Variants in RNF17 observed in about 807,000 individuals in gnomAD.
RNF17 encodes the protein ring finger protein 17.
Under a neutral mutation model 200.5 loss-of-function variants are expected in RNF17, and 31 were observed. That is an observed-to-expected ratio of 0.15 (90% CI 0.12 to 0.21). The LOEUF is 0.21. RNF17 is among the 10% of genes least tolerant of loss of function. The probability of loss-of-function intolerance (pLI) is 1.00; values close to 1 mark genes in which losing one functional copy is unlikely to be tolerated. For synonymous variants in RNF17, 606 were observed against 637.8 expected (o/e 0.95, Z 0.75); for missense variants, 1,628 against 1,905.1 (o/e 0.85, Z 2.71).
At chr13:24,801,839 T>C (rs750810610) in intron 13 of RNF17, among the ~76,000 whole-genome samples, 83 of 152,308 alleles carry the variant, frequency 5.4e-4, no homozygotes, top group Admixed American at 7.8e-4. Flanking sequence ...TCTTTCTTTA[T>C]AACCTTCATA....
In RNF17 at chr13:24,830,825, G is replaced by A. The variant is rs1195636498; in HGVS notation, c.2361+226G>A. 2.6e-5 allele frequency among the ~76,000 whole-genome samples: 4 copies of A among 152,288 alleles called. No homozygotes were observed. In the South Asian group the frequency reaches 6.2e-4, roughly 24 times the overall value. ...AGGTATAGTTGTGTCTTAAGTACTT[G>A]TTGGCAGCTTTTAATATATCATTTT... is the stretch of plus-strand genomic sequence containing the variant. On this transcript the variant is annotated intron_variant, in intron 17 of 35. Transcript: ENST00000255324.
chr13:24,807,238 T>C (rs974914545), intron 15 of RNF17, among the ~76,000 whole-genome samples: 2 of 152,118 alleles, frequency 1.3e-5, no homozygotes, highest in Admixed American at 6.5e-5. Flanking sequence ...ACTTCCATAA[T>C]GGTTGAACTA....
chr13:24,778,758 C>G (rs1881938242), intron 4 of RNF17, among the ~76,000 whole-genome samples: 1 of 152,056 alleles, frequency 6.6e-6, no homozygotes, highest in African/African-American at 2.4e-5. Context: ...AACCAAAAGG[C>G]CTAATTATGT....
chr13:24,760,237 T>A (rs1227414163), upstream of RNF17, among the ~76,000 whole-genome samples: 2 of 152,160 alleles, frequency 1.3e-5, no homozygotes, highest in African/African-American at 2.4e-5. Context: ...ACAAAATGTA[T>A]GTTAACTGGA....
intron 16 of RNF17, 113 bp from the exon 17 acceptor site, chr13:24,830,371 G>A: frequency 3.2e-6 from 2 of 623,266 alleles, no homozygotes; most frequent in Non-Finnish European, 5.7e-6. Flanking sequence ...AAAGTATTAA[G>A]TTTGTATATT....
At chr13:24,833,848 A>G (rs916393261) in intron 18 of RNF17, among the ~76,000 whole-genome samples, 2 of 152,228 alleles carry the variant, frequency 1.3e-5, no homozygotes, top group African/African-American at 4.8e-5. Flanking sequence ...GTTACCTTAG[A>G]AAGCAAGGAA....
intron 16 of RNF17, among the ~76,000 whole-genome samples, chr13:24,827,714 A>AAG (rs1888868909): frequency 1.0e-5 from 1 of 98,114 alleles, no homozygotes; most frequent in Non-Finnish European, 2.1e-5. Context: ...AAAAAAAAAA[A>AAG]AAACAAAAAA....
chr13:24,854,370 G>A (rs1892247460), intron 25 of RNF17, among the ~76,000 whole-genome samples: 1 of 151,980 alleles, frequency 6.6e-6, no homozygotes, highest in Admixed American at 6.6e-5. Flanking sequence ...TATTATGTGA[G>A]TGCTATTCTC....
At chr13:24,826,581 C>G (rs1260439513) in intron 16 of RNF17, among the ~76,000 whole-genome samples, 1 of 152,146 alleles carries the variant, frequency 6.6e-6, no homozygotes, top group East Asian at 1.9e-4. Context: ...CGAGACCAGC[C>G]TGGCCAACAT....
chr13:24,763,507 G>A (rs1002201487), upstream of RNF17, among the ~76,000 whole-genome samples: 12 of 151,284 alleles, frequency 7.9e-5, no homozygotes, highest in African/African-American at 2.7e-4. Flanking sequence ...GTGAGCCACC[G>A]CGCCGGGCCC....
the RNF17 span, among the ~76,000 whole-genome samples, chr13:24,748,378 T>G: frequency 1.3e-5 from 2 of 152,298 alleles, no homozygotes; most frequent in Non-Finnish European, 2.9e-5. Context: ...TAGAAATGGG[T>G]TTGAATAGAA....
At chr13:24,789,627 T>C in intron 8 of RNF17, 71 bp from the exon 9 acceptor site, 1 of 1,026,304 alleles carries the variant, frequency 9.7e-7, no homozygotes, top group Non-Finnish European at 1.5e-6. Context: ...ATGTCAGCAA[T>C]TGATTTTTGT....
At chr13:24,793,887 T>C (rs1884202680) in intron 10 of RNF17, among the ~76,000 whole-genome samples, 1 of 152,246 alleles carries the variant, frequency 6.6e-6, no homozygotes, top group African/African-American at 2.4e-5. Context: ...TAAGACCATT[T>C]TTCAAGATCA....
chr13:24,759,022 G>T, the RNF17 span, among the ~76,000 whole-genome samples: 1 of 139,150 alleles, frequency 7.2e-6, no homozygotes, highest in South Asian at 2.5e-4. Flanking sequence ...AGAAGTTGCA[G>T]TGAACTGAGA....
At chr13:24,874,011 A>G (rs1566260582) in intron 32 of RNF17, 103 bp from the exon 33 acceptor site, 4 of 1,174,882 alleles carry the variant, frequency 3.4e-6, no homozygotes, top group Admixed American at 2.4e-5. Context: ...TAGTGCTGCA[A>G]CAAACATGGG....
chr13:24,790,020 T>C (rs1883648085), intron 9 of RNF17, among the ~76,000 whole-genome samples: 1 of 152,130 alleles, frequency 6.6e-6, no homozygotes, highest in African/African-American at 2.4e-5. Flanking sequence ...TGCTAGGCAC[T>C]AACACCCTAG....
At chr13:24,762,188 A>G (rs1367505440), upstream of RNF17, among the ~76,000 whole-genome samples, 6 of 152,024 alleles carry the variant, frequency 3.9e-5, no homozygotes, top group Admixed American at 3.3e-4. Flanking sequence ...TGTGCAACAC[A>G]GTGAAACCCA....
chr13:24,815,662 A>G (rs925584308), intron 15 of RNF17, among the ~76,000 whole-genome samples: 1 of 152,196 alleles, frequency 6.6e-6, no homozygotes, highest in Admixed American at 6.5e-5. Context: ...CTTAAGGGAA[A>G]AGCGTTTGTC....
intron 23 of RNF17, among the ~76,000 whole-genome samples, chr13:24,851,183 G>A (rs1452019379): frequency 2.0e-5 from 3 of 152,124 alleles, no homozygotes; most frequent in Non-Finnish European, 2.9e-5. Context: ...CAGTAAAGAC[G>A]GGGTTTCCCC....
Sources: gnomAD v4.1 joint callset for allele counts (sites outside exome capture counted in the v4.1 genomes callset) on GRCh38, gnomAD v4.1.1 for gene constraint, MANE v1.5 for transcripts, NCBI Gene and HGNC (gene_info 2026-07-23, HGNC 2026-07-21) for gene names.